ATRNL1: variants seen among roughly 807,000 people sequenced by gnomAD.
ATRNL1 encodes the protein attractin-like protein 1.
ATRNL1 carries 95 observed loss-of-function variants against 182.7 expected under a neutral mutation model. The ratio of observed to expected loss-of-function variants is 0.52; its 90% CI spans 0.44 to 0.62. The LOEUF is 0.62. ATRNL1 is among the 20% of genes least tolerant of loss of function. The pLI is 0.00. For missense variants in ATRNL1, 1,471 were observed against 1,679.5 expected (o/e 0.88, Z 2.17); for synonymous variants, 576 against 568.3 (o/e 1.01, Z -0.19).
chr10:115,400,425 T>TTG (rs1844510670), intron 20 of ATRNL1, among the ~76,000 whole-genome samples: 1 of 152,218 alleles, frequency 6.6e-6, no homozygotes, highest in Admixed American at 6.5e-5. Flanking sequence ...TGTGTTCTTT[T>TTG]TGAGTGGAGA....
In ATRNL1 at chr10:115,343,195, C is replaced by G. The variant is rs368206228; in HGVS notation, c.3175+8776C>G. ...GTTTGAGAAGTTTCGTGTTGTTACCCCTTTGAATAAACTTTCTACCCTTAT... is the reference window on the plus strand; with the variant it reads ...GTTTGAGAAGTTTCGTGTTGTTACCGCTTTGAATAAACTTTCTACCCTTAT... On this transcript the variant is annotated intron_variant, in intron 19 of 28. Coordinates refer to ENST00000355044, the MANE Select transcript of ATRNL1 (RefSeq NM_207303.4). Among the ~76,000 whole-genome samples, 26 of 152,166 alleles carry G rather than the reference C, an allele frequency of 1.7e-4. No individual in the cohort carries two copies. The East Asian group carries it at 4.8e-3, about 28-fold the overall frequency.
intron 20 of ATRNL1, among the ~76,000 whole-genome samples, chr10:115,413,938 CA>C (rs2134349185): frequency 1.3e-5 from 2 of 152,048 alleles, no homozygotes; most frequent in African/African-American, 4.8e-5. Context: ...TACATATGTG[CA>C]CATACATGCA....
At chr10:115,575,322 A>G (rs753508543) in intron 26 of ATRNL1, among the ~76,000 whole-genome samples, 11 of 152,196 alleles carry the variant, frequency 7.2e-5, no homozygotes, top group Non-Finnish European at 1.6e-4. Flanking sequence ...AACAGAATGC[A>G]TTGCATTAAA....
In ATRNL1 at chr10:115,394,795, G is replaced by A. The variant is rs375152484; in HGVS notation, c.3269+43G>A. ...TTTAGAACTTTCGTGGATTGAATTT[G>A]TGTTGTTGAAGTAATTTTTATGTTT... On this transcript the variant is annotated intron_variant, in intron 20 of 28. Coordinates refer to ENST00000355044, the MANE Select transcript of ATRNL1 (RefSeq NM_207303.4). 4.2e-6 allele frequency: 6 copies of A among 1,412,016 alleles called. No homozygotes were observed. The African/African-American group carries it at 4.4e-5, about 10-fold the overall frequency. 87.5% of individuals were successfully genotyped at this position (1,412,016 alleles called of 1,614,324 possible). A position where few individuals can be genotyped will look rare whatever the true frequency, so the allele number is the denominator to read the frequency against.
At chr10:115,649,380 G>A (rs782814211) in intron 26 of ATRNL1, among the ~76,000 whole-genome samples, 1 of 152,004 alleles carries the variant, frequency 6.6e-6, no homozygotes. Flanking sequence ...AATTATTCTA[G>A]CCAGATGGTC....
chr10:115,411,152 G>A (rs1554959826), intron 20 of ATRNL1, among the ~76,000 whole-genome samples: 1 of 151,134 alleles, frequency 6.6e-6, no homozygotes, highest in African/African-American at 2.4e-5. Context: ...TTTAGTCTCT[G>A]AGTAAAAAAA....
intron 1 of ATRNL1, among the ~76,000 whole-genome samples, chr10:115,117,914 T>C (rs12355617): frequency 0.23 from 35,592 of 152,048 alleles, 4,924 homozygotes; most frequent in Non-Finnish European, 0.31. Flanking sequence ...TAAGATGATA[T>C]CTCATTTTAG....
Position 115,381,432 on chromosome 10 carries a change from A to ATTTTTTT in ATRNL1, c.3176-13216_3176-13210dup, listed in dbSNP as rs375127246. On this transcript the variant is annotated intron_variant, in intron 19 of 28. Coordinates refer to ENST00000355044, the MANE Select transcript of ATRNL1 (RefSeq NM_207303.4). ...CAGGCACATGCCACCATACCTGGCA[A>ATTTTTTT]TTTTTTTTTTTTTTTTTAGTAGACA... Among the ~76,000 whole-genome samples the ATTTTTTT allele has an allele frequency of 2.2e-3, 150 of 68,528 alleles. 27 individuals are homozygous for ATTTTTTT. Among genetic ancestry groups the ATTTTTTT allele is most frequent in the Non-Finnish European group, 3.5e-3 (115 of 33,008 alleles). The allele number at this position is 68,528 out of a possible 152,430, so 45.0% of individuals were successfully genotyped here.
chr10:115,159,825 T>C (rs1486217292), intron 5 of ATRNL1, among the ~76,000 whole-genome samples: 2 of 151,796 alleles, frequency 1.3e-5, no homozygotes, highest in African/African-American at 4.8e-5. Flanking sequence ...TATTTGAACA[T>C]CCAAGTCCGA....
At chr10:115,493,334 T>A (rs1483738738) in intron 24 of ATRNL1, among the ~76,000 whole-genome samples, 1 of 152,184 alleles carries the variant, frequency 6.6e-6, no homozygotes, top group Non-Finnish European at 1.5e-5. Flanking sequence ...TACTCTATGT[T>A]TAGCACCTTC....
At chr10:115,597,187 T>C (rs999968050) in intron 26 of ATRNL1, among the ~76,000 whole-genome samples, 4 of 152,150 alleles carry the variant, frequency 2.6e-5, no homozygotes, top group African/African-American at 9.6e-5. Flanking sequence ...TACTAAAATT[T>C]TTTCCTCAGT....
chr10:115,367,633 T>C (rs1554946438), intron 19 of ATRNL1, among the ~76,000 whole-genome samples: 2 of 149,608 alleles, frequency 1.3e-5, no homozygotes, highest in South Asian at 2.1e-4. Context: ...TTCTGTTTTT[T>C]CCCCATCTTT....
chr10:115,761,988 T>C (rs1948743762), intron 27 of ATRNL1, among the ~76,000 whole-genome samples: 1 of 152,174 alleles, frequency 6.6e-6, no homozygotes, highest in Admixed American at 6.5e-5. Flanking sequence ...TGTCAACTTA[T>C]TGTCTTTTAA....
At position 115,519,246 on chromosome 10, in the gene ATRNL1, T is replaced by C. The variant is rs782143121; in HGVS notation, c.3655-17T>C. On this transcript the variant is annotated splice_polypyrimidine_tract_variant and intron_variant, in intron 24 of 28. Transcript: ENST00000355044. The stretch of plus-strand genomic sequence containing the variant: ...GAGAAGAACATACTTTCAATTTTTT[T>C]TATTTTGATTTTTCAGATTGCATTC... 6.2e-7 allele frequency: 1 copy of C among 1,605,148 alleles called. No homozygotes were observed. The highest frequency in any genetic ancestry group is 8.5e-7 in the Non-Finnish European group (1 of 1,174,708).
chr10:115,208,816 AG>A (rs1262358776), intron 8 of ATRNL1, among the ~76,000 whole-genome samples: 1 of 151,914 alleles, frequency 6.6e-6, no homozygotes, highest in Non-Finnish European at 1.5e-5. Context: ...TGTGTGTGCA[AG>A]CTGGTTTGAT....
intron 18 of ATRNL1, among the ~76,000 whole-genome samples, chr10:115,322,139 A>C (rs1554931707): frequency 6.6e-6 from 1 of 152,052 alleles, no homozygotes; most frequent in Non-Finnish European, 1.5e-5. Context: ...TACCAGTGAG[A>C]TGTAATAATG....
At chr10:115,715,833 A>G (rs967487171) in intron 26 of ATRNL1, among the ~76,000 whole-genome samples, 5 of 152,226 alleles carry the variant, frequency 3.3e-5, no homozygotes, top group Non-Finnish European at 7.3e-5. Flanking sequence ...CTAGATGACC[A>G]TCTGTCAGGA....
In ATRNL1 at chr10:115,282,025, A is replaced by T. The variant is rs530138790; in HGVS notation, c.2233+538A>T. Among the ~76,000 whole-genome samples, 43 of 145,866 alleles carry T rather than the reference A, an allele frequency of 2.9e-4. 1 individual carries two copies. The South Asian group carries it at 8.7e-3, about 30-fold the overall frequency. Reference sequence around the variant, plus strand: ...AAAAATATTATATATATAATATATTAACAATAAATACATAAATATATTACT... The same window carrying T: ...AAAAATATTATATATATAATATATTTACAATAAATACATAAATATATTACT... On this transcript the variant is annotated intron_variant, in intron 14 of 28. Coordinates refer to ENST00000355044, the MANE Select transcript of ATRNL1 (RefSeq NM_207303.4).
At chr10:115,756,102 C>A (rs1759096505) in intron 27 of ATRNL1, among the ~76,000 whole-genome samples, 1 of 151,930 alleles carries the variant, frequency 6.6e-6, no homozygotes, top group Admixed American at 6.6e-5. Context: ...TTTCGTTGAT[C>A]TTTTCAAAAA....
Sources: gnomAD v4.1 joint callset for allele counts (sites outside exome capture counted in the v4.1 genomes callset) on GRCh38, gnomAD v4.1.1 for gene constraint, MANE v1.5 for transcripts, NCBI Gene and HGNC (gene_info 2026-07-23, HGNC 2026-07-21) for gene names.